CCND3: variants seen among roughly 807,000 people sequenced by gnomAD.
CCND3 encodes cyclin D3, also known as G1/S-specific cyclin-D3.
Under a neutral mutation model 28.7 loss-of-function variants are expected in CCND3, and 9 were observed. That is an observed-to-expected ratio of 0.31 (90% confidence interval 0.19 to 0.55). The LOEUF (loss-of-function observed/expected upper bound fraction) is 0.55, where lower values mean the gene tolerates loss of function less well. Among genes scored for constraint, CCND3 ranks in the 20% least tolerant of loss-of-function variants. CCND3 has a pLI of 0.93. For missense variants in CCND3, 315 were observed against 385.8 expected (o/e 0.82, Z 1.54); for synonymous variants, 164 against 163.9 (o/e 1.00, Z 0.00).
chr6:42,031,813 C>A (rs9381124), intron 1 of CCND3, among the ~76,000 whole-genome samples: 1,969 of 128,902 alleles, frequency 0.015, 24 homozygotes, highest in Non-Finnish European at 0.02. Context: ...GCAACTGACT[C>A]TTTTTTTTTT....
chr6:41,953,656 G>T lies in CCND3; in HGVS notation c.-45-13071C>A, dbSNP rs530401380. On this transcript the variant is annotated intron_variant, in intron 1 of 4. Coordinates refer to the CCND3 transcript ENST00000372988. ...GAACCCAGGTTTTGTTGAGCTATCC[G>T]GTGGTCTTGTGTTTCAGGGGAGGTC... 2.0e-5 allele frequency among the ~76,000 whole-genome samples: 3 copies of T among 152,064 alleles called. No homozygotes were observed. In the East Asian group the frequency reaches 5.8e-4, roughly 29 times the overall value.
chr6:42,032,036 C>T (rs1447758447), intron 1 of CCND3, among the ~76,000 whole-genome samples: 1 of 152,138 alleles, frequency 6.6e-6, no homozygotes, highest in Non-Finnish European at 1.5e-5. Flanking sequence ...GGTGATCCAC[C>T]TGCCTTGGCC....
At chr6:42,023,240 T>A (rs917403706) in intron 1 of CCND3, among the ~76,000 whole-genome samples, 1 of 152,200 alleles carries the variant, frequency 6.6e-6, no homozygotes, top group Admixed American at 6.5e-5. Flanking sequence ...TCTGCATTGC[T>A]GGGTTTTTTG....
chr6:41,980,825 G>A (rs550197913), intron 1 of CCND3, among the ~76,000 whole-genome samples: 1 of 152,182 alleles, frequency 6.6e-6, no homozygotes, highest in African/African-American at 2.4e-5. Flanking sequence ...TGATGAAATC[G>A]AACATCCATT....
chr6:41,949,860 C>T (rs9689216), intron 1 of CCND3, among the ~76,000 whole-genome samples: 48,100 of 150,790 alleles, frequency 0.32, 8,308 homozygotes, highest in African/African-American at 0.45. Context: ...TTTGGGAGGC[C>T]GAGGCGGGCG....
At chr6:41,960,951 A>G (rs1252777745) in intron 1 of CCND3, among the ~76,000 whole-genome samples, 1 of 152,082 alleles carries the variant, frequency 6.6e-6, no homozygotes, top group Non-Finnish European at 1.5e-5. Context: ...AATGGGGGAG[A>G]ACTCAGGATC....
intron 1 of CCND3, among the ~76,000 whole-genome samples, chr6:41,964,430 GTGTGTA>G (rs1212486596): frequency 6.6e-6 from 1 of 151,248 alleles, no homozygotes; most frequent in Non-Finnish European, 1.5e-5. Flanking sequence ...GAATGTGTTT[GTGTGTA>G]TGTGTGAATG....
chr6:42,041,796 C>T (rs1764378695), intron 1 of CCND3, among the ~76,000 whole-genome samples: 1 of 152,174 alleles, frequency 6.6e-6, no homozygotes, highest in Admixed American at 6.5e-5. Context: ...CAGACGTCTT[C>T]CCAGGGACAG....
intron 1 of CCND3, among the ~76,000 whole-genome samples, chr6:41,975,003 A>G (rs1762135993): frequency 6.6e-6 from 1 of 151,942 alleles, no homozygotes; most frequent in South Asian, 2.1e-4. Flanking sequence ...TGTGTTGGCC[A>G]GGCTCGTCTC....
intron 1 of CCND3, among the ~76,000 whole-genome samples, chr6:42,017,730 A>AC (rs59785564): frequency 0.14 from 21,600 of 152,216 alleles, 1,581 homozygotes; most frequent in South Asian, 0.21. Flanking sequence ...GTGGAATGTG[A>AC]CATAGGCATT....
At chr6:41,976,288 G>T (rs1300653286) in intron 1 of CCND3, among the ~76,000 whole-genome samples, 2 of 151,980 alleles carry the variant, frequency 1.3e-5, no homozygotes, top group East Asian at 3.9e-4. Context: ...GGAGGTGGAG[G>T]TTGCAGCGAG....
In CCND3 at chr6:41,939,149, C is replaced by G. The variant is rs921762078; in HGVS notation, c.414+1221G>C. Among the ~76,000 whole-genome samples, 1 of 152,160 alleles carries G rather than the reference C, an allele frequency of 6.6e-6. No individual in the cohort carries two copies. The highest frequency in any genetic ancestry group is 1.5e-5 in the Non-Finnish European group (1 of 68,024). The stretch of plus-strand genomic sequence containing the variant: ...TTCATCACAAAGAGCTGTGGCGCCT[C>G]CTGGATTCCCAACTCTGGCCTCCTA... On this transcript the variant is annotated intron_variant, in intron 2 of 4. Coordinates refer to ENST00000372991, the MANE Select transcript of CCND3 (RefSeq NM_001760.5). The surrounding 1 kb of genome is among the most constrained non-coding windows in gnomAD (Gnocchi z 4.2).
At chr6:41,979,829 T>C (rs1762289160) in intron 1 of CCND3, among the ~76,000 whole-genome samples, 1 of 151,736 alleles carries the variant, frequency 6.6e-6, no homozygotes, top group Non-Finnish European at 1.5e-5. Flanking sequence ...AGAGACTGGG[T>C]CTTGCCATGT....
chr6:41,965,590 C>T (rs935899004), intron 1 of CCND3, among the ~76,000 whole-genome samples: 2 of 152,092 alleles, frequency 1.3e-5, no homozygotes, highest in Non-Finnish European at 2.9e-5. Flanking sequence ...CAAGGAACAT[C>T]CACATTTAAG....
At position 41,979,152 on chromosome 6, in the gene CCND3, T is replaced by C. The variant is rs1307862922; in HGVS notation, c.-45-38567A>G. On this transcript the variant is annotated intron_variant, in intron 1 of 4. Transcript: ENST00000372988. ...CACCATTGCACTTCAGCCTGGGCAG[T>C]AAGAGCAAAACTCTGTCTCAAAAAA... Among the ~76,000 whole-genome samples the C allele has an allele frequency of 3.9e-5, 3 of 77,576 alleles. No individual in the cohort carries two copies. In the South Asian group the frequency reaches 1.2e-3, roughly 31 times the overall value. The allele number at this position is 77,576 out of a possible 152,430, so 50.9% of individuals were successfully genotyped here. A position where few individuals can be genotyped will look rare whatever the true frequency, so the allele number is the denominator to read the frequency against.
rs528901374 is a variant in CCND3 at position 42,037,807 on chromosome 6, C to T, written c.-46+10694G>A. ...CAGCACTTTGGGAGGCCGAGGCGGA[C>T]GGATCATGAGGTCAGGAGTTCAAGA... is the stretch of plus-strand genomic sequence containing the variant. On this transcript the variant is annotated intron_variant, in intron 1 of 4. Transcript: ENST00000372988. 1.1e-4 allele frequency among the ~76,000 whole-genome samples: 16 copies of T among 151,560 alleles called. No individual in the cohort carries two copies. In the East Asian group the frequency reaches 1.2e-3, roughly 11 times the overall value.
intron 1 of CCND3, among the ~76,000 whole-genome samples, chr6:41,993,410 C>CTTTTTTTT (rs70987558): frequency 4.9e-5 from 5 of 101,680 alleles, no homozygotes; most frequent in Non-Finnish European, 9.7e-5. Context: ...CTCATGTCTT[C>CTTTTTTTT]TTTTTTTTTT....
chr6:41,961,973 A>G (rs1387180035), intron 1 of CCND3, among the ~76,000 whole-genome samples: 1 of 152,102 alleles, frequency 6.6e-6, no homozygotes, highest in East Asian at 1.9e-4. Flanking sequence ...TACTTCCAAA[A>G]TGTCTCTGGA....
At chr6:41,960,672 G>C (rs568429370) in intron 1 of CCND3, among the ~76,000 whole-genome samples, 7 of 152,344 alleles carry the variant, frequency 4.6e-5, no homozygotes, top group African/African-American at 1.4e-4. Context: ...TTAACTTTTA[G>C]TAGATATTTA....
Sources: allele counts gnomAD v4.1 joint callset (sites outside exome capture counted in the v4.1 genomes callset), GRCh38; gene constraint gnomAD v4.1.1; non-coding constraint Gnocchi (gnomAD v3.1); transcripts MANE v1.5; gene names NCBI Gene and HGNC (gene_info 2026-07-23, HGNC 2026-07-21).